The following ZNF705B variants were observed in gnomAD, a reference collection of about 807,000 sequenced individuals.
ZNF705B encodes the protein Putative zinc finger protein 705D-like protein LOC100132396.
Under a neutral mutation model 10.5 loss-of-function variants are expected in ZNF705B, and 1 was observed. The ratio of observed to expected loss-of-function variants is 0.10; its 90% CI spans 0.03 to 0.45. ZNF705B has a LOEUF of 0.45. Among genes scored for constraint, ZNF705B ranks in the 20% least tolerant of loss-of-function variants. The probability of loss-of-function intolerance (pLI) is 0.97; values close to 1 mark genes in which losing one functional copy is unlikely to be tolerated. For synonymous variants in ZNF705B, 4 were observed against 25.4 expected (o/e 0.16, Z 2.53); for missense variants, 14 against 84.0 (o/e 0.17, Z 3.26).
intron 1 of ZNF705B, among the ~76,000 whole-genome samples, chr8:7,927,687 C>T (rs1429519060): frequency 1.1e-3 from 150 of 140,100 alleles, no homozygotes; most frequent in Middle Eastern, 4.1e-3. Context: ...GAATTATTTG[C>T]ACAAGATCAC....
At chr8:7,940,748 T>C (rs1204486169) in intron 2 of ZNF705B, among the ~76,000 whole-genome samples, 9 of 144,994 alleles carry the variant, frequency 6.2e-5, no homozygotes, top group East Asian at 2.0e-4. Flanking sequence ...AGTCCATCCA[T>C]GTTGTCACAA....
At chr8:7,929,678 G>A (rs1402517352) in intron 1 of ZNF705B, among the ~76,000 whole-genome samples, 1 of 117,538 alleles carries the variant, frequency 8.5e-6, no homozygotes, top group Non-Finnish European at 2.0e-5. Flanking sequence ...CTCTCTAGCT[G>A]AATTGTTGTC....
intron 2 of ZNF705B, among the ~76,000 whole-genome samples, chr8:7,933,929 CTTTTTTTTTTTTTTTT>C (rs1162997944): frequency 1.4e-4 from 4 of 29,364 alleles, no homozygotes; most frequent in African/African-American, 3.1e-4. Flanking sequence ...GTAATATAAA[CTTTTTTTTTTTTTTTT>C]TTTTTTTTTT....
At chr8:7,938,957 CT>C (rs1261314835) in intron 2 of ZNF705B, among the ~76,000 whole-genome samples, 439 of 71,814 alleles carry the variant, frequency 6.1e-3, no homozygotes, top group Non-Finnish European at 1.0e-2. Flanking sequence ...ACTGAGAATC[CT>C]TTTTTTTTAT....
Position 7,949,207 on chromosome 8 carries a change from C to G in ZNF705B, c.91C>G (p.Leu31Val). The stretch of plus-strand genomic sequence containing the variant: ...CATGATGGACACATCCAAAAGAAAG[C>G]TGTACAGAGATGTGATGCTGGAAAA... The part of the protein sequence containing the change: ...WDMMDTSKRK[L>V]YRDVMLENIS... Residue 31 changes from leucine (L) to valine (V), a missense_variant, in exon 4 of 7, where the codon CTG (leucine) becomes GTG (valine). By Grantham distance (32) the Leu-to-Val change is conservative. Coordinates refer to ENST00000400120, the MANE Select transcript of ZNF705B (RefSeq NM_001193630.1). 1 of 838,574 alleles carries G rather than the reference C, an allele frequency of 1.2e-6. No individual in the cohort carries two copies. Among genetic ancestry groups the G allele is most frequent in the Non-Finnish European group, 1.6e-6 (1 of 620,082 alleles). 51.9% of individuals were successfully genotyped at this position (838,574 alleles called of 1,614,324 possible).
chr8:7,941,266 C>T (rs1271687530), intron 2 of ZNF705B, among the ~76,000 whole-genome samples: 1 of 145,432 alleles, frequency 6.9e-6, no homozygotes, highest in African/African-American at 2.5e-5. Flanking sequence ...AATCACCATA[C>T]TGTCTTCCAC....
At chr8:7,940,962 A>T (rs1432488280) in intron 2 of ZNF705B, among the ~76,000 whole-genome samples, 1 of 148,652 alleles carries the variant, frequency 6.7e-6, no homozygotes, top group African/African-American at 2.4e-5. Flanking sequence ...TTCGTGGGTT[A>T]GTTTGCTGAG....
At position 7,933,119 on chromosome 8, in the gene ZNF705B, G is replaced by T. The variant is rs1376038966; in HGVS notation, c.-72+2683G>T. On this transcript the variant is annotated intron_variant, in intron 2 of 6. Transcript: ENST00000400120. ...AGGGAGATTATCTTAGATTATCCAG[G>T]TGGGCCCAATGTAATCATGAGTCCT... is the stretch of plus-strand genomic sequence containing the variant. Among the ~76,000 whole-genome samples the T allele has an allele frequency of 1.8e-5, 2 of 113,026 alleles. 1 individual carries two copies. The highest frequency in any genetic ancestry group is 4.2e-5 in the Non-Finnish European group (2 of 47,242). 74.1% of individuals were successfully genotyped at this position (113,026 alleles called of 152,430 possible). A position where few individuals can be genotyped will look rare whatever the true frequency, so the allele number is the denominator to read the frequency against.
intron 1 of ZNF705B, 146 bp downstream of exon 1, chr8:7,926,543 A>G (rs1200527438): frequency 9.1e-6 from 1 of 110,066 alleles, no homozygotes; most frequent in Non-Finnish European, 2.2e-5. Context: ...TATTATTATT[A>G]TTATTATCAG....
rs1480883202 is a variant in ZNF705B at position 7,927,241 on chromosome 8, T to C, written c.-222+844T>C. On this transcript the variant is annotated intron_variant, in intron 1 of 6. Coordinates refer to ENST00000400120, the MANE Select transcript of ZNF705B (RefSeq NM_001193630.1). Reference sequence around the variant, plus strand: ...CCAAAGTTTCCCTACCAGCCTCTAATTCCATGGGCCCTAAAAGGCAAAGTT... The same window carrying C: ...CCAAAGTTTCCCTACCAGCCTCTAACTCCATGGGCCCTAAAAGGCAAAGTT... Among the ~76,000 whole-genome samples the C allele has an allele frequency of 1.7e-5, 2 of 119,040 alleles. 1 individual carries two copies. The highest frequency in any genetic ancestry group is 4.8e-4 in the East Asian group (2 of 4,164). 78.1% of individuals were successfully genotyped at this position (119,040 alleles called of 152,430 possible). A position where few individuals can be genotyped will look rare whatever the true frequency, so the allele number is the denominator to read the frequency against.
chr8:7,934,319 G>GT lies in ZNF705B; in HGVS notation c.-72+3884dup, dbSNP rs1294063363. 2.0e-4 allele frequency: 278 copies of GT among 1,371,448 alleles called. 1 individual carries two copies. In the South Asian group the frequency reaches 4.0e-3, roughly 20 times the overall value. The allele number at this position is 1,371,448 out of a possible 1,614,324, so 85.0% of individuals were successfully genotyped here. ...TTTTGAGGATTCAATAAAAATCCCT[G>GT]TGAGAAAAATGGAGAGAGGGAAAGG... On this transcript the variant is annotated intron_variant, in intron 2 of 6. Transcript: ENST00000400120.
chr8:7,940,382 C>G (rs865787666), intron 2 of ZNF705B, among the ~76,000 whole-genome samples: 23 of 144,484 alleles, frequency 1.6e-4, no homozygotes, highest in Non-Finnish European at 2.8e-4. Flanking sequence ...AAGATTATAA[C>G]CATATCCTTC....
rs1300849007 is a variant in ZNF705B, at chr8:7,938,294, T to C, written c.-72+7858T>C. The stretch of plus-strand genomic sequence containing the variant: ...TTAAAGATTTCTTAGATTATAGTAA[T>C]ATTTTCAAAGAGACTTCTTCCACCA... On this transcript the variant is annotated intron_variant, in intron 2 of 6. Transcript: ENST00000400120. 2.7e-5 allele frequency among the ~76,000 whole-genome samples: 3 copies of C among 109,186 alleles called. No individual in the cohort carries two copies. The East Asian group carries it at 7.9e-4, about 29-fold the overall frequency. 71.6% of individuals were successfully genotyped at this position (109,186 alleles called of 152,430 possible). A position where few individuals can be genotyped will look rare whatever the true frequency, so the allele number is the denominator to read the frequency against.
chr8:7,937,312 T>G (rs1820043129), intron 2 of ZNF705B, among the ~76,000 whole-genome samples: 1 of 113,084 alleles, frequency 8.8e-6, no homozygotes, highest in Non-Finnish European at 2.1e-5. Flanking sequence ...AATGTCTACC[T>G]AAGGACATCC....
intron 1 of ZNF705B, among the ~76,000 whole-genome samples, chr8:7,926,959 T>C (rs1370349053): frequency 8.7e-6 from 1 of 115,260 alleles, no homozygotes; most frequent in African/African-American, 2.6e-5. Flanking sequence ...ACTAGTTGTA[T>C]AACCTGCATT....
rs1241252701 is a variant in ZNF705B at position 7,933,924 on chromosome 8, A to G, written c.-72+3488A>G. 2.7e-3 allele frequency among the ~76,000 whole-genome samples: 162 copies of G among 60,370 alleles called. 2 individuals carry two copies. The highest frequency in any genetic ancestry group is 8.5e-3 in the African/African-American group (152 of 17,988). The allele number at this position is 60,370 out of a possible 152,430, so 39.6% of individuals were successfully genotyped here. A position where few individuals can be genotyped will look rare whatever the true frequency, so the allele number is the denominator to read the frequency against. On this transcript the variant is annotated intron_variant, in intron 2 of 6. Transcript: ENST00000400120. ...CAGTAATCAAGTCATAACATGTAAT[A>G]TAAACTTTTTTTTTTTTTTTTTTTT...
At chr8:7,937,611 C>A (rs1820051119) in intron 2 of ZNF705B, among the ~76,000 whole-genome samples, 1 of 121,058 alleles carries the variant, frequency 8.3e-6, no homozygotes, top group Non-Finnish European at 2.0e-5. Context: ...AAAATCAAAC[C>A]CATGTATTTA....
At position 7,926,967 on chromosome 8, in the gene ZNF705B, A is replaced by G. The variant is rs1314487861; in HGVS notation, c.-222+570A>G. On this transcript the variant is annotated intron_variant, in intron 1 of 6. Coordinates refer to ENST00000400120, the MANE Select transcript of ZNF705B (RefSeq NM_001193630.1). ...CTCAATCACTAGTTGTATAACCTGC[A>G]TTGACTTGCTCAGAGAAAATATCTA... 9.6e-3 allele frequency among the ~76,000 whole-genome samples: 1,108 copies of G among 115,846 alleles called. 57 individuals carry two copies. The highest frequency in any genetic ancestry group is 0.025 in the African/African-American group (956 of 38,840). The allele number at this position is 115,846 out of a possible 152,430, so 76.0% of individuals were successfully genotyped here.
chr8:7,935,805 GT>G (rs1180195599), intron 2 of ZNF705B, among the ~76,000 whole-genome samples: 1 of 90,872 alleles, frequency 1.1e-5, no homozygotes, highest in Non-Finnish European at 2.9e-5. Context: ...TGAAATCTGA[GT>G]TTTTTGATCC....
Sources: allele counts gnomAD v4.1 joint callset (sites outside exome capture counted in the v4.1 genomes callset), GRCh38; gene constraint gnomAD v4.1.1; transcripts MANE v1.5; gene names NCBI Gene and HGNC (gene_info 2026-07-23, HGNC 2026-07-21).